Variants in LRCH3 observed in about 807,000 individuals in gnomAD.
LRCH3 encodes the protein leucine rich repeats and calponin homology domain containing 3.
A neutral mutation model predicts 104.5 loss-of-function variants in LRCH3; 68 were observed. The ratio of observed to expected loss-of-function variants is 0.65; its 90% CI spans 0.54 to 0.80. The LOEUF (loss-of-function observed/expected upper bound fraction) is 0.80, where lower values mean the gene tolerates loss of function less well. Ranked by LOEUF, LRCH3 falls within the 30% of genes least tolerant of loss-of-function variation. LRCH3 has a pLI of 0.00. For synonymous variants in LRCH3, 344 were observed against 361.3 expected (o/e 0.95, Z 0.54); for missense variants, 951 against 953.9 (o/e 1.00, Z 0.04).
At chr3:197,874,614 T>C (rs1482215205) in intron 19 of LRCH3, among the ~76,000 whole-genome samples, 1 of 152,218 alleles carries the variant, frequency 6.6e-6, no homozygotes, top group Non-Finnish European at 1.5e-5. Context: ...GCTCCAGCCC[T>C]GTCCATGGAA....
At chr3:197,813,510 A>ATTTTTTTTTT (rs57062885) in intron 1 of LRCH3, among the ~76,000 whole-genome samples, 5 of 66,064 alleles carry the variant, frequency 7.6e-5, no homozygotes, top group Non-Finnish European at 9.5e-5. Context: ...GAGGCATATA[A>ATTTTTTTTTT]TTTTTTTTTT....
At chr3:197,862,916 A>G (rs1741050960) in intron 15 of LRCH3, among the ~76,000 whole-genome samples, 1 of 152,254 alleles carries the variant, frequency 6.6e-6, no homozygotes, top group Non-Finnish European at 1.5e-5. Flanking sequence ...TATCAAACTA[A>G]GGAATTGTTA....
At chr3:197,813,773 C>G (rs952808158) in intron 1 of LRCH3, among the ~76,000 whole-genome samples, 5 of 151,866 alleles carry the variant, frequency 3.3e-5, no homozygotes, top group Non-Finnish European at 7.4e-5. Flanking sequence ...TCAAGTGATC[C>G]ACCCGCCTCA....
At chr3:197,814,458 A>G (rs1176286537) in intron 1 of LRCH3, among the ~76,000 whole-genome samples, 2 of 152,234 alleles carry the variant, frequency 1.3e-5, no homozygotes, top group African/African-American at 2.4e-5. Flanking sequence ...AAGATAGTGT[A>G]TTAGTTCTCT....
At chr3:197,835,645 G>C in intron 8 of LRCH3, 29 bp from the exon 9 acceptor site, 1 of 1,585,996 alleles carries the variant, frequency 6.3e-7, no homozygotes, top group Non-Finnish European at 8.6e-7. Context: ...GTGTGTGTGT[G>C]TGTGTGGGTG....
chr3:197,824,619 T>G (rs1734911750), intron 4 of LRCH3, among the ~76,000 whole-genome samples: 1 of 148,464 alleles, frequency 6.7e-6, no homozygotes, highest in Admixed American at 6.9e-5. Flanking sequence ...CAGGCTGGAG[T>G]ACAGTGGCGC....
chr3:197,819,821 C>T lies in LRCH3; in HGVS notation c.535-504C>T, dbSNP rs4857592. ...TCTAAGGATACTTTAAGGAAATTAA[C>T]GTTTGAGGCTTATTGAAAAATTTGG... On this transcript the variant is annotated intron_variant, in intron 3 of 20. Transcript: ENST00000425562. 5.2e-3 allele frequency among the ~76,000 whole-genome samples: 783 copies of T among 152,022 alleles called. 29 individuals are homozygous for T. The highest frequency in any genetic ancestry group is 0.046 in the Admixed American group (695 of 15,256).
intron 12 of LRCH3, among the ~76,000 whole-genome samples, chr3:197,851,991 C>T (rs180855155): frequency 1.4e-4 from 21 of 152,288 alleles, no homozygotes; most frequent in Admixed American, 1.2e-3. Flanking sequence ...TCGATTTTCT[C>T]ATCTCTAAAT....
chr3:197,813,812 T>A (rs2109178643), intron 1 of LRCH3, among the ~76,000 whole-genome samples: 1 of 152,290 alleles, frequency 6.6e-6, no homozygotes, highest in Non-Finnish European at 1.5e-5. Context: ...ATTACAGGCG[T>A]GAGCCACCGC....
chr3:197,835,014 C>G (rs956374259), intron 8 of LRCH3, among the ~76,000 whole-genome samples: 6 of 152,124 alleles, frequency 3.9e-5, no homozygotes, highest in South Asian at 2.1e-4. Flanking sequence ...CGTGGTGGTG[C>G]ACACCTGTAA....
At chr3:197,808,693 C>G (rs1732773931) in intron 1 of LRCH3, among the ~76,000 whole-genome samples, 2 of 152,186 alleles carry the variant, frequency 1.3e-5, no homozygotes, top group South Asian at 4.1e-4. Flanking sequence ...GAGCAGATCA[C>G]TTGAGCCCAG....
At chr3:197,865,577 G>C (rs1741389240) in intron 16 of LRCH3, 106 bp downstream of exon 16, 1 of 700,906 alleles carries the variant, frequency 1.4e-6, no homozygotes, top group African/African-American at 1.9e-5. Flanking sequence ...TGTTGACCAG[G>C]GTGGTCTCAA....
Position 197,829,689 on chromosome 3 carries a change from C to T in LRCH3, c.887+16C>T. On this transcript the variant is annotated intron_variant, in intron 6 of 20. Coordinates refer to ENST00000425562, the MANE Select transcript of LRCH3 (RefSeq NM_001365715.1). ...TTGGCTCCTGGTAAGTATATTCTGT[C>T]CCTTTATCTATCATATTTTTTGTAC... The T allele has an allele frequency of 6.6e-7, 1 of 1,506,748 alleles. No homozygotes were observed. The highest frequency in any genetic ancestry group is 9.1e-7 in the Non-Finnish European group (1 of 1,102,194). The allele number at this position is 1,506,748 out of a possible 1,614,324, so 93.3% of individuals were successfully genotyped here.
intron 14 of LRCH3, among the ~76,000 whole-genome samples, chr3:197,857,072 T>C (rs1740344158): frequency 6.6e-6 from 1 of 151,982 alleles, no homozygotes. Flanking sequence ...GGGCTACCCC[T>C]CAAGCTCCTG....
intron 20 of LRCH3, chr3:197,882,072 C>T: frequency 1.0e-6 from 1 of 985,336 alleles, no homozygotes; most frequent in Non-Finnish European, 1.2e-6. Context: ...TTAAAAAACA[C>T]ACACAGGCTC....
chr3:197,828,346 A>AT lies in LRCH3; in HGVS notation c.778-1211dup, dbSNP rs145298876. Reference sequence around the variant, plus strand: ...CTCATTATTTTCCCTCAGCTCTTTTATTTTTTTATTTTTTTGTGAGAAGGA... The same window carrying AT: ...CTCATTATTTTCCCTCAGCTCTTTTATTTTTTTTATTTTTTTGTGAGAAGGA... On this transcript the variant is annotated intron_variant, in intron 5 of 20. Coordinates refer to ENST00000425562, the MANE Select transcript of LRCH3 (RefSeq NM_001365715.1). Among the ~76,000 whole-genome samples the AT allele has an allele frequency of 8.0e-3, 1,212 of 151,620 alleles. 19 individuals are homozygous for AT. The highest frequency in any genetic ancestry group is 0.028 in the African/African-American group (1,139 of 41,336).
intron 20 of LRCH3, among the ~76,000 whole-genome samples, chr3:197,880,064 G>A (rs1713542895): frequency 6.6e-6 from 1 of 150,870 alleles, no homozygotes; most frequent in Non-Finnish European, 1.5e-5. Context: ...TCCTGCCTCA[G>A]CCTCCCGAGT....
At position 197,810,219 on chromosome 3, in the gene LRCH3, C is replaced by A. The variant is rs6583263; in HGVS notation, c.263-4689C>A. On this transcript the variant is annotated intron_variant, in intron 1 of 20. Coordinates refer to ENST00000425562, the MANE Select transcript of LRCH3 (RefSeq NM_001365715.1). This position sits in a 1 kb window ranked among gnomAD's most constrained non-coding sequence, Gnocchi z 4.0. ...ACTCCCAGGTTGGAGTTCAGTGGCA[C>A]GATCTTGGCTCACTGCAGCCTCCGC... is the stretch of plus-strand genomic sequence containing the variant. 0.76 allele frequency among the ~76,000 whole-genome samples: 115,492 copies of A among 152,090 alleles called. 45,601 individuals are homozygous for A. Among genetic ancestry groups the A allele is most frequent in the East Asian group, 0.94 (4,873 of 5,180 alleles).
chr3:197,857,876 AAT>A (rs769985821), intron 14 of LRCH3, among the ~76,000 whole-genome samples: 2 of 152,352 alleles, frequency 1.3e-5, no homozygotes, highest in African/African-American at 4.8e-5. Flanking sequence ...GTTAAATAAA[AAT>A]ATGTTAATTC....
Sources: allele counts gnomAD v4.1 joint callset (sites outside exome capture counted in the v4.1 genomes callset), GRCh38; gene constraint gnomAD v4.1.1; non-coding constraint Gnocchi (gnomAD v3.1); transcripts MANE v1.5; gene names NCBI Gene and HGNC (gene_info 2026-07-23, HGNC 2026-07-21).